Variants in DHX8 observed in about 807,000 individuals in gnomAD.
The protein encoded by DHX8 is ATP-dependent RNA helicase DHX8.
DHX8 carries 67 observed loss-of-function variants against 140.7 expected under a neutral mutation model. The ratio of observed to expected loss-of-function variants is 0.48; its 90% confidence interval spans 0.39 to 0.58. The LOEUF (loss-of-function observed/expected upper bound fraction) is 0.58, where lower values mean the gene tolerates loss of function less well. DHX8 is among the 20% of genes least tolerant of loss of function. The pLI, the probability that DHX8 is intolerant of heterozygous loss-of-function variation, is 0.00. For missense variants in DHX8, 887 were observed against 1,550.7 expected, an observed-to-expected ratio of 0.57 and a Z score of 7.19; for synonymous variants, 533 against 553.2, an observed-to-expected ratio of 0.96 and a Z score of 0.51.
At chr17:43,515,410 ATC>A (rs1970054181) in intron 17 of DHX8, among the ~76,000 whole-genome samples, 1 of 152,182 alleles carries the variant, frequency 6.6e-6, no homozygotes, top group South Asian at 2.1e-4. Flanking sequence ...GATGGTCTCC[ATC>A]TCCTGACCAC....
chr17:43,489,919 T>G (rs1439755601), intron 2 of DHX8, among the ~76,000 whole-genome samples: 1 of 152,204 alleles, frequency 6.6e-6, no homozygotes, highest in Non-Finnish European at 1.5e-5. Flanking sequence ...GGGTTTAATA[T>G]AGGATTTTGA....
rs767482021 is a variant in DHX8 at position 43,500,119 on chromosome 17, G to T, written c.1546+16G>T. 6.2e-7 allele frequency: 1 copy of T among 1,612,914 alleles called. No individual in the cohort carries two copies. The highest frequency in any genetic ancestry group is 1.1e-5 in the South Asian group (1 of 90,978). ...CTGCCTGATGGTAGGACCCTTGGAGGGGTGTATGGACCTTGTTTAAAAATC... is the reference window on the plus strand; with the variant it reads ...CTGCCTGATGGTAGGACCCTTGGAGTGGTGTATGGACCTTGTTTAAAAATC... On this transcript the variant is annotated intron_variant, in intron 11 of 22. Coordinates refer to ENST00000262415, the MANE Select transcript of DHX8 (RefSeq NM_004941.3).
intron 5 of DHX8, among the ~76,000 whole-genome samples, 178 bp downstream of exon 5, chr17:43,492,470 A>G (rs556791277): frequency 4.6e-5 from 7 of 152,316 alleles, no homozygotes; most frequent in African/African-American, 1.7e-4. Context: ...TAGGTTGTTC[A>G]GAATATAGAA....
rs1426622168 is a variant in DHX8 at position 43,525,210 on chromosome 17, C to A, written c.*1363C>A. The A allele has an allele frequency of 5.8e-5, 57 of 985,288 alleles. No homozygotes were observed. Among genetic ancestry groups the A allele is most frequent in the Non-Finnish European group, 6.9e-5 (57 of 829,946 alleles). 61.0% of individuals were successfully genotyped at this position (985,288 alleles called of 1,614,324 possible). On this transcript the variant is annotated 3_prime_UTR_variant, in exon 23 of 23. Coordinates refer to ENST00000262415, the MANE Select transcript of DHX8 (RefSeq NM_004941.3). ...GTAGAGAAGCTTCTGAGAGATTGGG[C>A]ACATCCTGTTACGTTGCTGCTTCTC...
chr17:43,532,795 A>G (rs1971016962), intron 2 of DHX8: 2 of 1,613,900 alleles, frequency 1.2e-6, no homozygotes, highest in Non-Finnish European at 8.5e-7. Context: ...ACAGGGGATC[A>G]TGGTATTCTT....
intron 21 of DHX8, 28 bp downstream of exon 21, chr17:43,521,593 G>A: frequency 6.3e-7 from 1 of 1,594,276 alleles, no homozygotes; most frequent in Non-Finnish European, 8.6e-7. Context: ...GACTCTGCAT[G>A]TTTGAGTTGA....
chr17:43,522,149 G>A lies in DHX8; in HGVS notation c.3366G>A (p.Glu1122=). 1 of 1,614,104 alleles carries A rather than the reference G, an allele frequency of 6.2e-7. No homozygotes were observed. The highest frequency in any genetic ancestry group is 1.1e-5 in the South Asian group (1 of 91,070). The change falls in exon 22 of 23, where the codon GAG becomes GAA. Residue 1122 remains glutamate (E), a synonymous_variant. Coordinates refer to ENST00000262415, the MANE Select transcript of DHX8 (RefSeq NM_004941.3). The stretch of plus-strand genomic sequence containing the variant: ...ATGCTGCCAAGAAAGACCCGCAGGA[G>A]GGTTACCGGACACTGATCGACCAGC... ...FRNAAKKDPQ[E]GYRTLIDQQV... is the part of the protein sequence containing the mutation.
At chr17:43,521,161 C>T (rs1474500392) in intron 20 of DHX8, among the ~76,000 whole-genome samples, 1 of 151,798 alleles carries the variant, frequency 6.6e-6, no homozygotes, top group Non-Finnish European at 1.5e-5. Context: ...CAGGGTTGCA[C>T]CATGTTGGCC....
intron 2 of DHX8, among the ~76,000 whole-genome samples, chr17:43,531,967 C>T (rs1255954335): frequency 6.6e-6 from 1 of 152,328 alleles, no homozygotes; most frequent in Non-Finnish European, 1.5e-5. Flanking sequence ...AATGCCTTAA[C>T]TTCCCTATTA....
At chr17:43,528,522 G>A (rs763477409), downstream of DHX8, 20 of 1,603,124 alleles carry the variant, frequency 1.2e-5, no homozygotes, top group Non-Finnish European at 1.4e-5. Flanking sequence ...CTGGGGGCTA[G>A]TAAGAGTAGC....
At chr17:43,508,765 A>G (rs1359392240) in intron 16 of DHX8, among the ~76,000 whole-genome samples, 1 of 151,760 alleles carries the variant, frequency 6.6e-6, no homozygotes, top group South Asian at 2.1e-4. Flanking sequence ...GACTACAGGC[A>G]CCTGCCACCA....
In DHX8 at chr17:43,513,430, A is replaced by C; in HGVS notation, c.2571A>C (p.Pro857=). Residue 857 remains proline, a synonymous_variant, in exon 17 of 23, where the codon CCA becomes CCC. Transcript: ENST00000262415. ...TIDGIYYVVD[P]GFVKQKVYNS... ...ATGGTATCTACTATGTGGTGGACCC[A>C]GGATTCGTGAAACAGAAAGTTTACA... 1 of 1,614,152 alleles carries C rather than the reference A, an allele frequency of 6.2e-7. No individual in the cohort carries two copies.
At chr17:43,488,420 G>A (rs1968305164) in intron 1 of DHX8, among the ~76,000 whole-genome samples, 1 of 152,066 alleles carries the variant, frequency 6.6e-6, no homozygotes, top group Admixed American at 6.6e-5. Context: ...GACCATCCTG[G>A]CTAACATGGT....
At position 43,525,634 on chromosome 17, in the gene DHX8, G is replaced by GTT; in HGVS notation, c.*1790_*1791dup. The GTT allele has an allele frequency of 5.1e-6, 5 of 985,442 alleles. No homozygotes were observed. Among genetic ancestry groups the GTT allele is most frequent in the Non-Finnish European group, 6.0e-6 (5 of 829,972 alleles). The allele number at this position is 985,442 out of a possible 1,614,324, so 61.0% of individuals were successfully genotyped here. A position where few individuals can be genotyped will look rare whatever the true frequency, so the allele number is the denominator to read the frequency against. Reference sequence around the variant, plus strand: ...ACTGGGCACCCACCTCCCCAATCTCGTTTTGTTTTTGTTTTTGTTAAGACA... The same window carrying GTT: ...ACTGGGCACCCACCTCCCCAATCTCGTTTTTTGTTTTTGTTTTTGTTAAGACA... On this transcript the variant is annotated 3_prime_UTR_variant, in exon 23 of 23. Coordinates refer to ENST00000262415, the MANE Select transcript of DHX8 (RefSeq NM_004941.3).
At chr17:43,530,171 C>G, downstream of DHX8, 2 of 1,555,902 alleles carry the variant, frequency 1.3e-6, no homozygotes, top group Non-Finnish European at 1.7e-6. Flanking sequence ...TTGATGCGCA[C>G]CCGGTGACAT....
chr17:43,484,955 C>T (rs1337984302), intron 1 of DHX8, among the ~76,000 whole-genome samples: 2 of 152,154 alleles, frequency 1.3e-5, no homozygotes, highest in Non-Finnish European at 2.9e-5. Flanking sequence ...ATGTCTTAAA[C>T]ACCAGTCACT....
At chr17:43,541,658 G>C (rs1450040197) in intron 3 of DHX8, among the ~76,000 whole-genome samples, 1 of 152,042 alleles carries the variant, frequency 6.6e-6, no homozygotes, top group African/African-American at 2.4e-5. Flanking sequence ...ACATATGCTC[G>C]GTCACCCTCT....
At chr17:43,520,407 T>A in intron 19 of DHX8, 140 bp downstream of exon 19, 1 of 1,099,242 alleles carries the variant, frequency 9.1e-7, no homozygotes, top group Non-Finnish European at 1.3e-6. Flanking sequence ...TAACCTGAAT[T>A]TCTCCACTGT....
chr17:43,488,296 AG>A (rs66483658), intron 1 of DHX8, among the ~76,000 whole-genome samples: 4,452 of 90,514 alleles, frequency 0.049, 243 homozygotes, highest in African/African-American at 0.15. Flanking sequence ...GAAAAAAAAA[AG>A]AAAAAAAGAA....
Sources: gnomAD v4.1 joint callset for allele counts (sites outside exome capture counted in the v4.1 genomes callset) on GRCh38, gnomAD v4.1.1 for gene constraint, MANE v1.5 for transcripts, NCBI Gene and HGNC (gene_info 2026-07-23, HGNC 2026-07-21) for gene names.